The following SH3BP2 variants were observed in gnomAD, a reference collection of about 807,000 sequenced individuals.
The protein encoded by SH3BP2 is SH3 domain-binding protein 2.
A neutral mutation model predicts 56.2 loss-of-function variants in SH3BP2; 38 were observed. The ratio of observed to expected loss-of-function variants is 0.68; its 90% confidence interval spans 0.52 to 0.89. The LOEUF is 0.89. SH3BP2 is among the 40% of genes least tolerant of loss of function. The pLI is 0.00. For synonymous variants in SH3BP2, 346 were observed against 316.7 expected, an observed-to-expected ratio of 1.09 and a Z score of -0.98; for missense variants, 748 against 762.6, an observed-to-expected ratio of 0.98 and a Z score of 0.23.
intron 1 of SH3BP2, among the ~76,000 whole-genome samples, chr4:2,805,383 C>T (rs1291515510): frequency 6.6e-6 from 1 of 152,194 alleles, no homozygotes; most frequent in Non-Finnish European, 1.5e-5. Context: ...CCCCCTCCTG[C>T]AGCCAGGGGT....
chr4:2,796,556 C>A, intron 1 of SH3BP2: 1 of 760,678 alleles, frequency 1.3e-6, no homozygotes, highest in Non-Finnish European at 1.6e-6. Context: ...TGGGCTCGGC[C>A]ACCTGGAGCA....
chr4:2,823,524 C>T (rs1165835056), intron 3 of SH3BP2: 2 of 456,502 alleles, frequency 4.4e-6, no homozygotes, highest in East Asian at 1.4e-4. Flanking sequence ...GGGCTCTATC[C>T]AGTGATGGGC....
At chr4:2,826,604 CTG>C (rs139592127) in intron 5 of SH3BP2, 25,525 of 284,732 alleles carry the variant, frequency 0.09, 1,853 homozygotes, top group African/African-American at 0.24. Flanking sequence ...GTGTGTTGCT[CTG>C]TGTTTGTGTG....
Position 2,835,235 on chromosome 4 carries a change from C to G in SH3BP2, c.*1401C>G, listed in dbSNP as rs886059363. The G allele has an allele frequency of 6.6e-6, 1 of 152,308 alleles. No homozygotes were observed. The highest frequency in any genetic ancestry group is 1.5e-5 in the Non-Finnish European group (1 of 68,148). 9.4% of individuals were successfully genotyped at this position (152,308 alleles called of 1,614,324 possible). ...GGAGAAGGTCCTGCAGCCCCCTTCC[C>G]CTGGGTGTGTTCTGGGGACCTGTGG... On this transcript the variant is annotated 3_prime_UTR_variant, in exon 13 of 13. Coordinates refer to ENST00000503393, the MANE Select transcript of SH3BP2 (RefSeq NM_001122681.2).
chr4:2,801,185 G>A lies in SH3BP2; in HGVS notation c.-5+8047G>A, dbSNP rs558119778. On this transcript the variant is annotated intron_variant, in intron 1 of 12. Coordinates refer to ENST00000503393, the MANE Select transcript of SH3BP2 (RefSeq NM_001122681.2). ...AGGCTGGGGGCTGGGCTCCTTTCCC[G>A]GCAGGCCGGGCCCACCGCCAGACCC... Among the ~76,000 whole-genome samples the A allele has an allele frequency of 3.0e-3, 452 of 151,612 alleles. 4 individuals are homozygous for A. The highest frequency in any genetic ancestry group is 0.01 in the African/African-American group (426 of 41,148).
chr4:2,830,693 G>A (rs944902847), intron 8 of SH3BP2, among the ~76,000 whole-genome samples: 4 of 152,238 alleles, frequency 2.6e-5, no homozygotes, highest in Non-Finnish European at 5.9e-5. Context: ...TCTGGGAAGT[G>A]CCAGGAGACC....
In SH3BP2 at chr4:2,829,256, G is replaced by C. The variant is rs1724842765; in HGVS notation, c.587-237G>C. Among the ~76,000 whole-genome samples the C allele has an allele frequency of 6.6e-6, 1 of 151,948 alleles. No individual in the cohort carries two copies. On this transcript the variant is annotated intron_variant, in intron 7 of 12. Transcript: ENST00000503393. The surrounding 1 kb of genome is among the most constrained non-coding windows in gnomAD (Gnocchi z 4.9). ...TCCTCAGGTGTCCTCTAGGCTTCAGGAAGCGTCCACAGGCTGCCATAGGGA... is the reference window on the plus strand; with the variant it reads ...TCCTCAGGTGTCCTCTAGGCTTCAGCAAGCGTCCACAGGCTGCCATAGGGA...
intron 1 of SH3BP2, among the ~76,000 whole-genome samples, chr4:2,798,804 CTCTAGGAACACAGG>C (rs983603626): frequency 2.0e-5 from 3 of 152,250 alleles, no homozygotes; most frequent in African/African-American, 7.2e-5. Context: ...AGGCTGAGAC[CTCTAGGAACACAGG>C]TGCTGGGTGG....
chr4:2,833,087 A>C (rs116565858), intron 12 of SH3BP2, 38 bp downstream of exon 12: 39 of 1,592,722 alleles, frequency 2.4e-5, no homozygotes, highest in Non-Finnish European at 3.4e-5. Context: ...CCCTGGCCGC[A>C]TGGCCTGGCA....
intron 1 of SH3BP2, among the ~76,000 whole-genome samples, chr4:2,793,925 G>T (rs1722978994): frequency 6.6e-6 from 1 of 152,174 alleles, no homozygotes; most frequent in South Asian, 2.1e-4. Context: ...GCTCCCTGGG[G>T]GTATTGAGGG....
At chr4:2,803,383 G>C (rs969628938) in intron 1 of SH3BP2, among the ~76,000 whole-genome samples, 1 of 152,186 alleles carries the variant, frequency 6.6e-6, no homozygotes, top group Non-Finnish European at 1.5e-5. Context: ...GGATAAGCAG[G>C]GTGCTGTCCA....
rs1223501101 is a variant in SH3BP2 at position 2,836,943 on chromosome 4, C to G, written c.*3109C>G. The G allele has an allele frequency of 2.0e-5, 3 of 152,246 alleles. No homozygotes were observed. Among genetic ancestry groups the G allele is most frequent in the Non-Finnish European group, 4.4e-5 (3 of 68,050 alleles). The allele number at this position is 152,246 out of a possible 1,614,324, so 9.4% of individuals were successfully genotyped here. The stretch of plus-strand genomic sequence containing the variant: ...GGCCCCAGTGGCTTTGGGAAGCACC[C>G]CCAGCCCAGGGTGAAACATGCTTCT... On this transcript the variant is annotated 3_prime_UTR_variant, in exon 13 of 13. Transcript: ENST00000503393.
chr4:2,803,005 G>A (rs1723374080), intron 1 of SH3BP2, among the ~76,000 whole-genome samples: 3 of 152,260 alleles, frequency 2.0e-5, no homozygotes, highest in Non-Finnish European at 2.9e-5. Flanking sequence ...ATAAAACGCC[G>A]TAAAGTGCCT....
chr4:2,803,682 C>T (rs1201134240), intron 1 of SH3BP2, among the ~76,000 whole-genome samples: 2 of 152,172 alleles, frequency 1.3e-5, no homozygotes, highest in Non-Finnish European at 2.9e-5. Flanking sequence ...TAAGACCCAC[C>T]TCTGTCTCTC....
Position 2,810,498 on chromosome 4 carries a change from T to C in SH3BP2, c.-4-10116T>C, listed in dbSNP as rs1411324593. ...GCTCAGGCCTTGTCCGCTCTTGCAT[T>C]TGCCTGCCCAGTAAGGGGTGGCGTG... On this transcript the variant is annotated intron_variant, in intron 1 of 12. Transcript: ENST00000503393. This position sits in a 1 kb window ranked among gnomAD's most constrained non-coding sequence, Gnocchi z 4.2. Among the ~76,000 whole-genome samples the C allele has an allele frequency of 6.6e-6, 1 of 151,818 alleles. No homozygotes were observed. The highest frequency in any genetic ancestry group is 2.1e-4 in the South Asian group (1 of 4,820).
At chr4:2,805,393 TC>T (rs2108705705) in intron 1 of SH3BP2, among the ~76,000 whole-genome samples, 1 of 151,374 alleles carries the variant, frequency 6.6e-6, no homozygotes, top group Non-Finnish European at 1.5e-5. Flanking sequence ...CAGCCAGGGG[TC>T]CCCCGAGATG....
At chr4:2,797,756 C>T (rs1484141237) in intron 1 of SH3BP2, among the ~76,000 whole-genome samples, 2 of 152,186 alleles carry the variant, frequency 1.3e-5, no homozygotes, top group Admixed American at 6.5e-5. Flanking sequence ...CGTCTGAGAG[C>T]CCATGCCCTG....
chr4:2,798,225 C>T (rs1310118042), intron 1 of SH3BP2, among the ~76,000 whole-genome samples: 1 of 152,176 alleles, frequency 6.6e-6, no homozygotes, highest in Non-Finnish European at 1.5e-5. Context: ...CCTGTCCTCT[C>T]CCTGAACGAA....
In SH3BP2 at chr4:2,835,317, C is replaced by T. The variant is rs1458221092; in HGVS notation, c.*1483C>T. On this transcript the variant is annotated 3_prime_UTR_variant, in exon 13 of 13. Coordinates refer to ENST00000503393, the MANE Select transcript of SH3BP2 (RefSeq NM_001122681.2). ...TAGCGGATGTGGGAGGCTGTGACCCCAGGGGGCCATAGGGTGCGGTGGAAC... is the reference window on the plus strand; with the variant it reads ...TAGCGGATGTGGGAGGCTGTGACCCTAGGGGGCCATAGGGTGCGGTGGAAC... 1 of 152,280 alleles carries T rather than the reference C, an allele frequency of 6.6e-6. No homozygotes were observed. The highest frequency in any genetic ancestry group is 2.4e-5 in the African/African-American group (1 of 41,410). The allele number at this position is 152,280 out of a possible 1,614,324, so 9.4% of individuals were successfully genotyped here. A position where few individuals can be genotyped will look rare whatever the true frequency, so the allele number is the denominator to read the frequency against.
Sources: gnomAD v4.1 joint callset for allele counts (sites outside exome capture counted in the v4.1 genomes callset) on GRCh38, gnomAD v4.1.1 for gene constraint, Gnocchi (gnomAD v3.1) non-coding constraint, MANE v1.5 for transcripts, NCBI Gene and HGNC (gene_info 2026-07-23, HGNC 2026-07-21) for gene names.